The following DOCK3 variants were observed in gnomAD, a reference collection of about 807,000 sequenced individuals.
DOCK3 encodes dedicator of cytokinesis protein 3.
DOCK3 carries 60 observed loss-of-function variants against 265.6 expected under a neutral mutation model. The observed-to-expected ratio is 0.23, with a 90% CI of 0.18 to 0.28. The LOEUF (loss-of-function observed/expected upper bound fraction) is 0.28, where lower values mean the gene tolerates loss of function less well. DOCK3 is among the 10% of genes least tolerant of loss of function. The probability of loss-of-function intolerance (pLI) is 1.00; values close to 1 mark genes in which losing one functional copy is unlikely to be tolerated. For missense variants in DOCK3, 1,981 were observed against 2,594.3 expected, an observed-to-expected ratio of 0.76 and a Z score of 5.14; for synonymous variants, 881 against 938.0, an observed-to-expected ratio of 0.94 and a Z score of 1.11.
At chr3:50,996,404 A>C (rs1396621789) in intron 5 of DOCK3, among the ~76,000 whole-genome samples, 1 of 151,910 alleles carries the variant, frequency 6.6e-6, no homozygotes, top group Non-Finnish European at 1.5e-5. Flanking sequence ...TTTTTAGTAG[A>C]GATGGGGTTT....
intron 5 of DOCK3, among the ~76,000 whole-genome samples, chr3:50,956,575 A>G (rs1417739740): frequency 1.3e-5 from 2 of 152,156 alleles, no homozygotes; most frequent in African/African-American, 2.4e-5. Context: ...TATGTTCACT[A>G]CATCCCAGAA....
intron 10 of DOCK3, among the ~76,000 whole-genome samples, chr3:51,149,783 A>T (rs1405582184): frequency 6.6e-6 from 1 of 151,978 alleles, no homozygotes; most frequent in African/African-American, 2.4e-5. Context: ...TTCATCAGGG[A>T]TATTGGTCTA....
chr3:50,798,684 TTG>T lies in DOCK3; in HGVS notation c.121+19928_121+19929del, dbSNP rs1441785670. Among the ~76,000 whole-genome samples, 9 of 152,304 alleles carry T rather than the reference TTG, an allele frequency of 5.9e-5. No individual in the cohort carries two copies. In the East Asian group the frequency reaches 1.7e-3, roughly 29 times the overall value. On this transcript the variant is annotated intron_variant, in intron 2 of 52. Transcript: ENST00000266037. ...AGAATATTTTCTCCCATTCTGTAGG[TTG>T]TCTTTTCACTTTATTATTTCCTTTG...
At chr3:50,940,338 A>G (rs1158658657) in intron 5 of DOCK3, among the ~76,000 whole-genome samples, 3 of 151,808 alleles carry the variant, frequency 2.0e-5, no homozygotes, top group Non-Finnish European at 4.4e-5. Context: ...ACACTTGGGC[A>G]TAAATCCAAC....
intron 24 of DOCK3, among the ~76,000 whole-genome samples, chr3:51,271,946 G>A (rs571972340): frequency 1.3e-5 from 2 of 151,544 alleles, no homozygotes; most frequent in Non-Finnish European, 2.9e-5. Flanking sequence ...TCCAGTCTTT[G>A]GAGAACCAAC....
intron 2 of DOCK3, among the ~76,000 whole-genome samples, chr3:50,803,874 C>T (rs1316647248): frequency 7.9e-5 from 12 of 151,328 alleles, no homozygotes; most frequent in South Asian, 2.1e-4. Context: ...GGCGGCTGGC[C>T]GGGCGGGGGC....
intron 1 of DOCK3, among the ~76,000 whole-genome samples, chr3:50,777,297 A>G (rs1423272997): frequency 6.6e-6 from 1 of 151,840 alleles, no homozygotes; most frequent in Non-Finnish European, 1.5e-5. Context: ...CTAACTGCTT[A>G]TTTTTATTCC....
chr3:51,068,013 A>T (rs2081667881), intron 6 of DOCK3, among the ~76,000 whole-genome samples: 1 of 152,196 alleles, frequency 6.6e-6, no homozygotes, highest in South Asian at 2.1e-4. Context: ...AGCACATGTT[A>T]GCATGTGAAT....
chr3:51,186,890 G>T (rs1178945999), intron 12 of DOCK3, among the ~76,000 whole-genome samples: 1 of 152,230 alleles, frequency 6.6e-6, no homozygotes, highest in Non-Finnish European at 1.5e-5. Flanking sequence ...ATGCCTGGAT[G>T]CCCAGGCAGA....
At chr3:50,978,744 C>T (rs569910585) in intron 5 of DOCK3, among the ~76,000 whole-genome samples, 1 of 152,322 alleles carries the variant, frequency 6.6e-6, no homozygotes, top group East Asian at 1.9e-4. Flanking sequence ...CTCCCCCAGC[C>T]TCGCTGCCGC....
intron 7 of DOCK3, among the ~76,000 whole-genome samples, chr3:51,083,812 G>GTCTCTAC (rs1449694830): frequency 6.6e-6 from 1 of 152,022 alleles, no homozygotes; most frequent in Non-Finnish European, 1.5e-5. Context: ...GTGAAACCTT[G>GTCTCTAC]TCTCTACTAA....
intron 5 of DOCK3, among the ~76,000 whole-genome samples, chr3:50,986,798 T>G (rs973291700): frequency 6.6e-6 from 1 of 152,214 alleles, no homozygotes; most frequent in Non-Finnish European, 1.5e-5. Context: ...ATTCCCTCAG[T>G]CTAAGCACAG....
chr3:50,883,451 G>T (rs1489815631), intron 3 of DOCK3, among the ~76,000 whole-genome samples: 2 of 151,982 alleles, frequency 1.3e-5, no homozygotes, highest in African/African-American at 4.8e-5. Flanking sequence ...TTTTCTTAGT[G>T]TAGTTCCATG....
intron 2 of DOCK3, chr3:50,788,265 A>G: frequency 1.7e-6 from 1 of 602,124 alleles, no homozygotes; most frequent in East Asian, 4.4e-5. Context: ...GCTCCTGACG[A>G]GAAGTGGCTG....
At chr3:51,331,755 C>T (rs1282321393) in intron 33 of DOCK3, among the ~76,000 whole-genome samples, 3 of 151,912 alleles carry the variant, frequency 2.0e-5, no homozygotes, top group Admixed American at 2.0e-4. Context: ...CCCAGGAGTT[C>T]GAGACTATCC....
chr3:51,042,516 C>G (rs1173368612), intron 5 of DOCK3, among the ~76,000 whole-genome samples: 1 of 152,110 alleles, frequency 6.6e-6, no homozygotes, highest in African/African-American at 2.4e-5. Flanking sequence ...GGAAGCATTC[C>G]CCTTGAAAAT....
rs570881820 is a variant in DOCK3 at position 51,155,054 on chromosome 3, TA to T, written c.829-4185del. On this transcript the variant is annotated intron_variant, in intron 10 of 52. Transcript: ENST00000266037. ...TGCAGTGGCCTGATCATAGCTCACATAAAAACCTTGAACCTTTGGGCTCTAA... is the reference window on the plus strand; with the variant it reads ...TGCAGTGGCCTGATCATAGCTCACATAAAACCTTGAACCTTTGGGCTCTAA... Among the ~76,000 whole-genome samples the T allele has an allele frequency of 7.9e-5, 12 of 152,266 alleles. No homozygotes were observed. The South Asian group carries it at 1.2e-3, about 16-fold the overall frequency.
At chr3:51,211,912 T>C (rs772034083) in intron 13 of DOCK3, among the ~76,000 whole-genome samples, 1 of 152,068 alleles carries the variant, frequency 6.6e-6, no homozygotes, top group Non-Finnish European at 1.5e-5. Flanking sequence ...AGGGCCCCAT[T>C]GAGATGATAG....
At chr3:51,120,410 T>G (rs1268516843) in intron 9 of DOCK3, among the ~76,000 whole-genome samples, 1 of 152,174 alleles carries the variant, frequency 6.6e-6, no homozygotes. Context: ...CGACCCCTAC[T>G]GGGAGTTGTC....
Sources: allele counts gnomAD v4.1 joint callset (sites outside exome capture counted in the v4.1 genomes callset), GRCh38; gene constraint gnomAD v4.1.1; transcripts MANE v1.5; gene names NCBI Gene and HGNC (gene_info 2026-07-23, HGNC 2026-07-21).